Variants in MAGI1 observed in about 807,000 individuals in gnomAD.
MAGI1 encodes membrane associated guanylate kinase, WW and PDZ domain containing 1, also known as membrane-associated guanylate kinase, WW and PDZ domain-containing protein 1.
A neutral mutation model predicts 139.9 loss-of-function variants in MAGI1; 58 were observed. The observed-to-expected ratio is 0.41, with a 90% CI of 0.34 to 0.52. MAGI1 has a LOEUF of 0.52. MAGI1 is among the 20% of genes least tolerant of loss of function. The probability of loss-of-function intolerance (pLI) is 0.12; values close to 1 mark genes in which losing one functional copy is unlikely to be tolerated. For missense variants in MAGI1, 1,874 were observed against 1,901.6 expected (o/e 0.99, Z 0.27); for synonymous variants, 812 against 737.9 (o/e 1.10, Z -1.63).
chr3:65,419,313 A>C (rs1420759211), intron 12 of MAGI1, among the ~76,000 whole-genome samples: 2 of 151,416 alleles, frequency 1.3e-5, no homozygotes, highest in African/African-American at 4.9e-5. Context: ...GTATGCATGT[A>C]TGCATGCGTG....
chr3:65,639,015 C>G (rs778925327), intron 1 of MAGI1, among the ~76,000 whole-genome samples: 113 of 152,220 alleles, frequency 7.4e-4, no homozygotes, highest in Non-Finnish European at 2.1e-4. Context: ...TCCCCAAGTG[C>G]TGGGTTTACA....
chr3:65,388,300 TAAAAG>T (rs2106956360), intron 14 of MAGI1, among the ~76,000 whole-genome samples: 1 of 152,038 alleles, frequency 6.6e-6, no homozygotes, highest in Non-Finnish European at 1.5e-5. Flanking sequence ...TTGCCCCTAA[TAAAAG>T]AAAAGAAAAA....
chr3:65,381,909 T>C lies in MAGI1; in HGVS notation c.2669A>G (p.Asn890Ser). 7 of 1,613,864 alleles carry C rather than the reference T, an allele frequency of 4.3e-6. No individual in the cohort carries two copies. Among genetic ancestry groups the C allele is most frequent in the Non-Finnish European group, 5.9e-6 (7 of 1,179,902 alleles). The part of the protein sequence containing the change: ...MQQAAKQGHV[N>S]LTVRRKVVFA... ...AACCACTTTACGCCGCACCGTGAGA[T>C]TGACGTGGCCTTGCTTGGCAGCTTG... The change falls in exon 16 of 23, where the codon AAT becomes AGT. Residue 890 changes from asparagine to serine, a missense_variant. Coordinates refer to ENST00000402939, the MANE Select transcript of MAGI1 (RefSeq NM_001033057.2).
At chr3:65,918,886 G>T (rs1390070457) in intron 1 of MAGI1, among the ~76,000 whole-genome samples, 1 of 151,978 alleles carries the variant, frequency 6.6e-6, no homozygotes, top group South Asian at 2.1e-4. Context: ...CAATTATACT[G>T]CAGAGTGATC....
rs140209714 is a variant in MAGI1 at position 65,904,492 on chromosome 3, C to T, written c.313+133504G>A. Among the ~76,000 whole-genome samples, 161 of 152,306 alleles carry T rather than the reference C, an allele frequency of 1.1e-3. 2 individuals carry two copies. The highest frequency in any genetic ancestry group is 3.6e-3 in the African/African-American group (150 of 41,574). On this transcript the variant is annotated intron_variant, in intron 1 of 22. Transcript: ENST00000402939. The stretch of plus-strand genomic sequence containing the variant: ...CCACGGCCTTCAGGGCCCTGCGGCC[C>T]GGCCTCTGCTGCCCTTCCCAACCCA...
chr3:65,459,338 A>G (rs1448294520), intron 5 of MAGI1, among the ~76,000 whole-genome samples: 2 of 152,144 alleles, frequency 1.3e-5, no homozygotes, highest in African/African-American at 2.4e-5. Context: ...TCTGTGAGGA[A>G]TATCTTTGGT....
At chr3:65,632,635 A>C (rs540445971) in intron 1 of MAGI1, among the ~76,000 whole-genome samples, 1 of 152,286 alleles carries the variant, frequency 6.6e-6, no homozygotes, top group African/African-American at 2.4e-5. Context: ...AGCTAAGATA[A>C]CTATTTTCCA....
chr3:65,657,949 A>G (rs1309815599), intron 1 of MAGI1, among the ~76,000 whole-genome samples: 1 of 152,234 alleles, frequency 6.6e-6, no homozygotes, highest in East Asian at 1.9e-4. Flanking sequence ...GTCACTGTTA[A>G]TTGAAATAAT....
chr3:65,709,837 C>G (rs1218805671), intron 1 of MAGI1, among the ~76,000 whole-genome samples: 2 of 152,210 alleles, frequency 1.3e-5, no homozygotes, highest in Non-Finnish European at 2.9e-5. Context: ...ACGTACAGAA[C>G]TAGCCTCTAC....
At chr3:65,871,922 G>A (rs2108491094) in intron 1 of MAGI1, among the ~76,000 whole-genome samples, 3 of 152,298 alleles carry the variant, frequency 2.0e-5, no homozygotes, top group Admixed American at 2.0e-4. Flanking sequence ...GTCGGTAACA[G>A]TTCTCCACCT....
intron 1 of MAGI1, among the ~76,000 whole-genome samples, chr3:65,950,058 ACAAAAAAACAAAAAAAAAAC>A (rs2063729758): frequency 3.0e-5 from 2 of 66,300 alleles, no homozygotes; most frequent in African/African-American, 1.2e-4. Context: ...AAAAAAAAAA[ACAAAAAAACAAAAAAAAAAC>A]AAAAAAAAAA....
intron 2 of MAGI1, among the ~76,000 whole-genome samples, chr3:65,516,718 C>CTTTTTTTTTTTTTTTTTT: frequency 1.5e-5 from 1 of 67,000 alleles, no homozygotes; most frequent in African/African-American, 5.7e-5. Flanking sequence ...CATCCCACCT[C>CTTTTTTTTTTTTTTTTTT]TTTTTTTTTT....
intron 1 of MAGI1, among the ~76,000 whole-genome samples, chr3:65,967,755 C>T (rs752906420): frequency 6.6e-6 from 1 of 152,172 alleles, no homozygotes; most frequent in Non-Finnish European, 1.5e-5. Flanking sequence ...CTGGCAAGCA[C>T]CCAAGGCAAG....
At chr3:65,448,289 C>T (rs375114378) in intron 6 of MAGI1, 8 of 586,560 alleles carry the variant, frequency 1.4e-5, no homozygotes, top group East Asian at 8.4e-5. Context: ...GGCTCATTTC[C>T]TTGCATGTCA....
intron 1 of MAGI1, among the ~76,000 whole-genome samples, chr3:65,691,239 G>C (rs905459874): frequency 6.7e-6 from 1 of 148,218 alleles, no homozygotes; most frequent in Non-Finnish European, 1.5e-5. Context: ...GGAGGAGGAG[G>C]TTGCAGTGAG....
intron 1 of MAGI1, among the ~76,000 whole-genome samples, chr3:65,945,948 T>C (rs1312614005): frequency 6.6e-6 from 1 of 152,272 alleles, no homozygotes; most frequent in Admixed American, 6.5e-5. Context: ...GTAATCATTC[T>C]TTTAAAAATC....
At chr3:65,458,563 G>A (rs1419065043) in intron 5 of MAGI1, among the ~76,000 whole-genome samples, 1 of 152,060 alleles carries the variant, frequency 6.6e-6, no homozygotes, top group Non-Finnish European at 1.5e-5. Flanking sequence ...GATGATCAGT[G>A]ATGTTGAGCA....
chr3:65,511,912 T>A (rs2077620416), intron 2 of MAGI1, among the ~76,000 whole-genome samples: 1 of 112,288 alleles, frequency 8.9e-6, no homozygotes, highest in Non-Finnish European at 1.8e-5. Flanking sequence ...GAAGTAAAGC[T>A]CTCCTCAGCA....
intron 1 of MAGI1, among the ~76,000 whole-genome samples, chr3:65,809,424 A>G (rs2041079647): frequency 6.6e-6 from 1 of 152,230 alleles, no homozygotes; most frequent in African/African-American, 2.4e-5. Context: ...ATCCATTTCA[A>G]GTTCCTATAG....
Sources: gnomAD v4.1 joint callset for allele counts (sites outside exome capture counted in the v4.1 genomes callset) on GRCh38, gnomAD v4.1.1 for gene constraint, MANE v1.5 for transcripts, NCBI Gene and HGNC (gene_info 2026-07-23, HGNC 2026-07-21) for gene names.